Variants in CAPRIN1 observed in about 807,000 individuals in gnomAD.
The protein encoded by CAPRIN1 is cell cycle associated protein 1.
In CAPRIN1, 29 loss-of-function variants were observed where a neutral mutation model predicts 100.9. The ratio of observed to expected loss-of-function variants is 0.29; its 90% CI spans 0.21 to 0.39. The LOEUF is 0.39. Ranked by LOEUF, CAPRIN1 falls within the 10% of genes least tolerant of loss-of-function variation. The pLI is 1.00. For missense variants in CAPRIN1, 795 were observed against 876.7 expected (o/e 0.91, Z 1.18); for synonymous variants, 338 against 307.5 (o/e 1.10, Z -1.04).
At chr11:34,068,577 A>G (rs1243701081) in intron 2 of CAPRIN1, among the ~76,000 whole-genome samples, 2 of 152,230 alleles carry the variant, frequency 1.3e-5, no homozygotes, top group African/African-American at 4.8e-5. Flanking sequence ...ATAGGATAGT[A>G]TAGGTTCATA....
intron 2 of CAPRIN1, among the ~76,000 whole-genome samples, chr11:34,054,173 T>A (rs1211049536): frequency 1.3e-5 from 2 of 152,234 alleles, no homozygotes; most frequent in African/African-American, 2.4e-5. Context: ...CTGTTTCATC[T>A]TCGGTATTGA....
rs1454777811 is a variant in CAPRIN1 at position 34,052,486 on chromosome 11, T to C, written c.66T>C (p.Gly22=). Residue 22 remains glycine (G), a synonymous_variant, in exon 2 of 19, where the codon GGT becomes GGC. Transcript: ENST00000341394. ...SKSSGPPPPS[G]SSGSEAAAGA... ...CGTCCGGACCGCCACCGCCGTCGGG[T>C]TCCTCCGGGAGTGAGGCGGCCGCGG... is the stretch of plus-strand genomic sequence containing the variant. 2 of 1,607,658 alleles carry C rather than the reference T, an allele frequency of 1.2e-6. No homozygotes were observed. Among genetic ancestry groups the C allele is most frequent in the Admixed American group, 1.7e-5 (1 of 59,350 alleles).
chr11:34,091,412 G>T (rs1851262455), intron 14 of CAPRIN1, among the ~76,000 whole-genome samples: 1 of 152,084 alleles, frequency 6.6e-6, no homozygotes, highest in Non-Finnish European at 1.5e-5. Flanking sequence ...TCAGCCTTTG[G>T]AGTAGCTGAC....
chr11:34,073,230 A>G (rs2134106457), intron 4 of CAPRIN1, among the ~76,000 whole-genome samples: 1 of 152,262 alleles, frequency 6.6e-6, no homozygotes, highest in East Asian at 1.9e-4. Flanking sequence ...TTGTGACTTG[A>G]CTTTGTAGTT....
At chr11:34,052,300 A>G (rs1226869783) in intron 1 of CAPRIN1, 121 bp from the exon 2 acceptor site, 4 of 837,824 alleles carry the variant, frequency 4.8e-6, no homozygotes, top group East Asian at 2.9e-5. Flanking sequence ...CCCCTCCCCC[A>G]CCCGCTCGCG....
intron 16 of CAPRIN1, 34 bp from the exon 17 acceptor site, chr11:34,097,162 A>G (rs770421591): frequency 2.3e-5 from 34 of 1,458,196 alleles, no homozygotes. Context: ...TGTGAAGATA[A>G]GAAAATTATT....
intron 2 of CAPRIN1, among the ~76,000 whole-genome samples, chr11:34,068,883 C>T (rs1207918080): frequency 1.3e-5 from 2 of 152,062 alleles, no homozygotes; most frequent in African/African-American, 4.8e-5. Flanking sequence ...ACAAACTCTA[C>T]CCCATGAGGG....
chr11:34,052,369 G>GCCGCTCTTGTCCTTCCTC lies in CAPRIN1; in HGVS notation c.1-46_1-29dup, dbSNP rs1262877742. On this transcript the variant is annotated intron_variant, in intron 1 of 18. Coordinates refer to ENST00000341394, the MANE Select transcript of CAPRIN1 (RefSeq NM_005898.5). The stretch of plus-strand genomic sequence containing the variant: ...TCTCGCCCCGTCCGTCTCCTGACTG[G>GCCGCTCTTGTCCTTCCTC]CCGCTCTTGTCCTTCCTCCCGCTTT... 17 of 1,458,444 alleles carry GCCGCTCTTGTCCTTCCTC rather than the reference G, an allele frequency of 1.2e-5. No homozygotes were observed. In the Admixed American group the frequency reaches 2.2e-4, roughly 19 times the overall value. The allele number at this position is 1,458,444 out of a possible 1,614,324, so 90.3% of individuals were successfully genotyped here.
chr11:34,098,605 A>C, intron 18 of CAPRIN1: 1 of 985,358 alleles, frequency 1.0e-6, no homozygotes, highest in Non-Finnish European at 1.2e-6. Context: ...GAAACTGGCC[A>C]GGAAAAAGGT....
In CAPRIN1 at chr11:34,097,295, G is replaced by C; in HGVS notation, c.2000G>C (p.Arg667Pro). The C allele has an allele frequency of 6.2e-7, 1 of 1,602,928 alleles. No homozygotes were observed. Among genetic ancestry groups the C allele is most frequent in the Non-Finnish European group, 8.5e-7 (1 of 1,169,814 alleles). The change falls in exon 17 of 19, where the codon CGG becomes CCG. Residue 667 changes from arginine (R) to proline (P), a missense_variant and splice_region_variant. Around this residue, in one of 3 missense-constraint regions of CAPRIN1, gnomAD observed 648 missense variants for 697.9 expected, o/e 0.93. Transcript: ENST00000341394. The stretch of plus-strand genomic sequence containing the variant: ...CCCCGGGATTACTCTGGCTATCAAC[G>C]GGTAGGTAAAGTAGTTCTAAAGTGT... ...SAPRDYSGYQ[R>P]DGYQQNFKRG...
Position 34,052,614 on chromosome 11 carries a change from T to G in CAPRIN1, c.194T>G (p.Leu65Arg), listed in dbSNP as rs1850347881. ...KQILGVIDKK[L>R]RNLEKKKGKL... is the part of the protein sequence containing the mutation. ...ATTCTCGGGGTGATCGACAAGAAACTTCGGAACCTGGAGAAGAAAAAGGTG... is the reference window on the plus strand; with the variant it reads ...ATTCTCGGGGTGATCGACAAGAAACGTCGGAACCTGGAGAAGAAAAAGGTG... Residue 65 changes from leucine (L) to arginine (R), a missense_variant, in exon 2 of 19, where the codon CTT (leucine) becomes CGT (arginine). Physicochemically the swap from Leu to Arg is moderately radical, Grantham distance 102 (BLOSUM62 -2). This residue lies in a region of CAPRIN1 where 38 missense variants were observed against 92.3 expected (regional missense o/e 0.41). Transcript: ENST00000341394. 6.2e-7 allele frequency: 1 copy of G among 1,609,994 alleles called. No individual in the cohort carries two copies. Among genetic ancestry groups the G allele is most frequent in the African/African-American group, 1.3e-5 (1 of 74,762 alleles).
intron 4 of CAPRIN1, among the ~76,000 whole-genome samples, chr11:34,075,701 A>G (rs1371560313): frequency 3.9e-5 from 6 of 152,214 alleles, no homozygotes; most frequent in Non-Finnish European, 8.8e-5. Flanking sequence ...GAGGAGCTAG[A>G]TTGAGGTAAG....
chr11:34,052,355 C>A (rs564536109), intron 1 of CAPRIN1, 66 bp from the exon 2 acceptor site: 3 of 1,304,164 alleles, frequency 2.3e-6, no homozygotes, highest in Non-Finnish European at 3.3e-6. Flanking sequence ...CTCGCCCCGT[C>A]CGTCTCCTGA....
chr11:34,066,272 G>A (rs1232748437), intron 2 of CAPRIN1, among the ~76,000 whole-genome samples: 1 of 152,142 alleles, frequency 6.6e-6, no homozygotes, highest in Non-Finnish European at 1.5e-5. Context: ...TTACAGGTGT[G>A]AGCCACTGTG....
intron 2 of CAPRIN1, among the ~76,000 whole-genome samples, chr11:34,062,399 G>T (rs1280385334): frequency 6.6e-6 from 1 of 152,150 alleles, no homozygotes; most frequent in Non-Finnish European, 1.5e-5. Context: ...GCCGAGGCGG[G>T]CGGATCACGA....
chr11:34,099,343 A>G lies in CAPRIN1; in HGVS notation c.2106A>G (p.Gln702=), dbSNP rs1216559343. 6.2e-7 allele frequency: 1 copy of G among 1,613,842 alleles called. No homozygotes were observed. Residue 702 remains glutamine, a synonymous_variant, in exon 19 of 19, where the codon CAA becomes CAG. Transcript: ENST00000341394. ...GPPRPNRGMP[Q]MNTQQVN The stretch of plus-strand genomic sequence containing the variant: ...CAAGACCCAACAGAGGGATGCCGCA[A>G]ATGAACACTCAGCAAGTGAATTAAT...
intron 18 of CAPRIN1, chr11:34,098,294 A>G: frequency 1.0e-6 from 1 of 984,392 alleles, no homozygotes. Flanking sequence ...TATAAATATC[A>G]AGTTATTTCT....
rs529195069 is a variant in CAPRIN1, at chr11:34,084,092, A to C, written c.966+1051A>C. 2.6e-5 allele frequency among the ~76,000 whole-genome samples: 4 copies of C among 152,070 alleles called. No homozygotes were observed. In the East Asian group the frequency reaches 7.7e-4, roughly 29 times the overall value. ...GAAGAAAAAAACCCATTTTCCAAAG[A>C]GATTGCAAAGTTTTTTTTTTTTGAG... On this transcript the variant is annotated intron_variant, in intron 9 of 18. Transcript: ENST00000341394.
At position 34,076,415 on chromosome 11, in the gene CAPRIN1, G is replaced by A; in HGVS notation, c.546G>A (p.Glu182=). ...LNGVPILSEE[E]LSLLDEFYKL... is the part of the protein sequence containing the mutation. Reference sequence around the variant, plus strand: ...GAGTGCCAATATTGTCCGAAGAGGAGTTGTCATTGTTGGATGAATTCTATA... The same window carrying A: ...GAGTGCCAATATTGTCCGAAGAGGAATTGTCATTGTTGGATGAATTCTATA... The change falls in exon 5 of 19, where the codon GAG becomes GAA. Residue 182 remains glutamate, a synonymous_variant. Coordinates refer to ENST00000341394, the MANE Select transcript of CAPRIN1 (RefSeq NM_005898.5). The A allele has an allele frequency of 3.1e-6, 5 of 1,614,200 alleles. No individual in the cohort carries two copies. Among genetic ancestry groups the A allele is most frequent in the Middle Eastern group, 1.6e-4 (1 of 6,062 alleles).
Sources: allele counts gnomAD v4.1 joint callset (sites outside exome capture counted in the v4.1 genomes callset), GRCh38; gene constraint gnomAD v4.1.1; regional missense constraint gnomAD v4.1.1; transcripts MANE v1.5; gene names NCBI Gene and HGNC (gene_info 2026-07-23, HGNC 2026-07-21).